Variants in STPG4 observed in about 807,000 individuals in gnomAD.
STPG4 encodes the protein sperm-tail PG-rich repeat containing 4, also known as protein STPG4.
STPG4 carries 41 observed loss-of-function variants against 31.5 expected under a neutral mutation model. That is an observed-to-expected ratio of 1.30 (90% confidence interval 1.01 to 1.69). STPG4 has a LOEUF of 1.69. Ranked by LOEUF, STPG4 falls within the 40% of genes most tolerant of loss-of-function variation. STPG4 has a pLI of 0.00. For missense variants in STPG4, 375 were observed against 293.4 expected (o/e 1.28, Z -2.03); for synonymous variants, 141 against 103.0 (o/e 1.37, Z -2.24).
intron 6 of STPG4, among the ~76,000 whole-genome samples, chr2:47,089,510 C>G (rs775770946): frequency 9.9e-5 from 15 of 152,168 alleles, no homozygotes; most frequent in Non-Finnish European, 2.2e-4. Flanking sequence ...CTGGGTGGGC[C>G]CATTTTCTTA....
chr2:47,111,595 G>A (rs1260177169), intron 5 of STPG4, among the ~76,000 whole-genome samples: 1 of 152,134 alleles, frequency 6.6e-6, no homozygotes, highest in African/African-American at 2.4e-5. Flanking sequence ...TGCAATTTGT[G>A]AGGCTTGGTC....
intron 3 of STPG4, among the ~76,000 whole-genome samples, chr2:47,150,186 C>T (rs1284090286): frequency 2.0e-5 from 3 of 152,194 alleles, no homozygotes; most frequent in African/African-American, 7.2e-5. Flanking sequence ...CCATTAAGAG[C>T]CACATAAAAG....
intron 5 of STPG4, 44 bp from the exon 6 acceptor site, chr2:47,090,418 G>T: frequency 7.9e-7 from 1 of 1,268,450 alleles, no homozygotes; most frequent in Non-Finnish European, 1.1e-6. Flanking sequence ...TTGTACATTT[G>T]ATATATTTTA....
chr2:47,146,564 GAAA>G (rs34954854), intron 3 of STPG4, among the ~76,000 whole-genome samples: 1 of 137,494 alleles, frequency 7.3e-6, no homozygotes. Flanking sequence ...CATCTCTACT[GAAA>G]AAAAAAAAAA....
chr2:47,095,498 C>A (rs889247581), intron 5 of STPG4, among the ~76,000 whole-genome samples: 2 of 152,298 alleles, frequency 1.3e-5, no homozygotes. Context: ...GCTGGGACTT[C>A]CAGTCTCCAG....
At chr2:47,146,335 G>A (rs1260640872) in intron 3 of STPG4, among the ~76,000 whole-genome samples, 1 of 152,102 alleles carries the variant, frequency 6.6e-6, no homozygotes, top group Non-Finnish European at 1.5e-5. Context: ...GCACAGAACA[G>A]CCCCCCGCCC....
intron 3 of STPG4, among the ~76,000 whole-genome samples, chr2:47,150,178 A>T (rs935642035): frequency 2.6e-5 from 4 of 152,248 alleles, no homozygotes; most frequent in African/African-American, 9.6e-5. Context: ...ATAGTAAACC[A>T]TTAAGAGCCA....
chr2:47,142,539 T>C (rs1179541611), intron 3 of STPG4, among the ~76,000 whole-genome samples: 4 of 152,100 alleles, frequency 2.6e-5, no homozygotes, highest in African/African-American at 9.7e-5. Context: ...TACTTACAAA[T>C]GGGCATGATT....
intron 5 of STPG4, among the ~76,000 whole-genome samples, chr2:47,114,998 T>C (rs1474593081): frequency 6.6e-6 from 1 of 152,000 alleles, no homozygotes; most frequent in Non-Finnish European, 1.5e-5. Context: ...GAACTCCTGA[T>C]CTCAAGTGAC....
chr2:47,147,127 TTAAA>T (rs928787833), intron 3 of STPG4, among the ~76,000 whole-genome samples: 2 of 151,896 alleles, frequency 1.3e-5, no homozygotes, highest in African/African-American at 4.8e-5. Flanking sequence ...TGACAGTGTC[TTAAA>T]TAAATAAATA....
chr2:47,099,326 A>G (rs1354265980), intron 5 of STPG4, among the ~76,000 whole-genome samples: 1 of 152,204 alleles, frequency 6.6e-6, no homozygotes, highest in African/African-American at 2.4e-5. Flanking sequence ...ACTGCCCTGA[A>G]CCCTCTCCTC....
chr2:47,141,579 TA>T (rs1686709358), intron 3 of STPG4, among the ~76,000 whole-genome samples: 1 of 151,586 alleles, frequency 6.6e-6, no homozygotes, highest in African/African-American at 2.4e-5. Flanking sequence ...AAAAATCTGC[TA>T]AATAAGCCGC....
At chr2:47,096,304 C>T (rs1331457916) in intron 5 of STPG4, among the ~76,000 whole-genome samples, 4 of 152,030 alleles carry the variant, frequency 2.6e-5, no homozygotes, top group South Asian at 2.1e-4. Flanking sequence ...CCAAGGGGTC[C>T]GAGACGCCTC....
intron 3 of STPG4, among the ~76,000 whole-genome samples, chr2:47,139,937 G>A (rs561767261): frequency 3.9e-5 from 6 of 152,024 alleles, no homozygotes; most frequent in Admixed American, 6.6e-5. Context: ...CATCACACCC[G>A]GCTAATTTTT....
intron 5 of STPG4, among the ~76,000 whole-genome samples, chr2:47,103,459 T>C (rs1420750348): frequency 2.0e-5 from 3 of 151,760 alleles, no homozygotes; most frequent in Non-Finnish European, 4.4e-5. Context: ...TGGTGTTCTA[T>C]AAGAGGGACC....
chr2:47,095,268 G>C (rs1685646694), intron 5 of STPG4, among the ~76,000 whole-genome samples: 1 of 152,222 alleles, frequency 6.6e-6, no homozygotes, highest in Non-Finnish European at 1.5e-5. Context: ...GCAGTCATTA[G>C]GGTGGGGCCT....
intron 5 of STPG4, among the ~76,000 whole-genome samples, chr2:47,115,651 G>GT (rs1558678003): frequency 7.7e-5 from 7 of 90,420 alleles, no homozygotes; most frequent in Admixed American, 4.9e-4. Flanking sequence ...CACATTAAAG[G>GT]CTTTTTTTTT....
chr2:47,088,403 C>G (rs1031378905), intron 6 of STPG4, among the ~76,000 whole-genome samples: 1 of 152,204 alleles, frequency 6.6e-6, no homozygotes, highest in Middle Eastern at 3.2e-3. Context: ...TTTGAGACAC[C>G]AGTGTAATGG....
At chr2:47,102,975 G>T (rs959602478) in intron 5 of STPG4, among the ~76,000 whole-genome samples, 3 of 151,896 alleles carry the variant, frequency 2.0e-5, no homozygotes, top group Non-Finnish European at 1.5e-5. Flanking sequence ...ACCCTGGCCT[G>T]TAATGAAAAG....
Sources: allele counts gnomAD v4.1 joint callset (sites outside exome capture counted in the v4.1 genomes callset), GRCh38; gene constraint gnomAD v4.1.1; transcripts MANE v1.5; gene names NCBI Gene and HGNC (gene_info 2026-07-23, HGNC 2026-07-21).